SFMBT2: variants seen among roughly 807,000 people sequenced by gnomAD.
The protein encoded by SFMBT2 is Scm like with four mbt domains 2, also known as scm-like with four MBT domains protein 2.
In SFMBT2, 38 loss-of-function variants were observed where a neutral mutation model predicts 110.1. The ratio of observed to expected loss-of-function variants is 0.35; its 90% CI spans 0.27 to 0.45. The LOEUF (loss-of-function observed/expected upper bound fraction) is 0.45. Among genes scored for constraint, SFMBT2 ranks in the 20% least tolerant of loss-of-function variants. SFMBT2 has a pLI of 1.00. For missense variants in SFMBT2, 1,011 were observed against 1,094.9 expected (o/e 0.92, Z 1.08); for synonymous variants, 425 against 425.4 (o/e 1.00, Z 0.01).
intron 11 of SFMBT2, among the ~76,000 whole-genome samples, chr10:7,213,884 C>A (rs140160176): frequency 6.6e-6 from 1 of 152,196 alleles, no homozygotes; most frequent in Non-Finnish European, 1.5e-5. Flanking sequence ...CAGAGAAAGA[C>A]GAGGCCACGC....
chr10:7,385,962 T>C (rs1845592500), intron 1 of SFMBT2, among the ~76,000 whole-genome samples: 1 of 152,004 alleles, frequency 6.6e-6, no homozygotes, highest in Non-Finnish European at 1.5e-5. Context: ...ATCGTGCCAC[T>C]GCACTCCAGC....
At chr10:7,374,815 G>A (rs1845156352) in intron 2 of SFMBT2, among the ~76,000 whole-genome samples, 2 of 152,196 alleles carry the variant, frequency 1.3e-5, no homozygotes, top group African/African-American at 4.8e-5. Context: ...AAAATTTACG[G>A]TTATTCACAA....
intron 4 of SFMBT2, among the ~76,000 whole-genome samples, chr10:7,315,038 G>GAGAAAGAAAGAAAGAAAGAAAGAAAA (rs1842956964): frequency 8.5e-5 from 7 of 82,176 alleles, no homozygotes; most frequent in African/African-American, 1.5e-4. Context: ...AAGAAAGAAA[G>GAGAAAGAAAGAAAGAAAGAAAGAAAA]AGAAAGAAAG....
At chr10:7,339,347 C>G (rs1338049776) in intron 4 of SFMBT2, among the ~76,000 whole-genome samples, 1 of 152,208 alleles carries the variant, frequency 6.6e-6, no homozygotes, top group Admixed American at 6.5e-5. Context: ...TTACTCAAAT[C>G]AATTCCACAC....
chr10:7,363,473 C>A (rs375507704), intron 4 of SFMBT2, among the ~76,000 whole-genome samples: 14 of 152,004 alleles, frequency 9.2e-5, no homozygotes, highest in Non-Finnish European at 1.3e-4. Context: ...CTCAGCCTGC[C>A]GAGTAGCTGG....
intron 11 of SFMBT2, among the ~76,000 whole-genome samples, chr10:7,212,713 C>T (rs780599176): frequency 6.6e-5 from 10 of 152,160 alleles, no homozygotes; most frequent in Non-Finnish European, 1.3e-4. Flanking sequence ...AGATTTTACA[C>T]TCAGAAAGTG....
intron 17 of SFMBT2, among the ~76,000 whole-genome samples, chr10:7,175,362 G>A (rs980717334): frequency 2.0e-5 from 3 of 152,330 alleles, no homozygotes; most frequent in African/African-American, 7.2e-5. Context: ...AGACATCCTC[G>A]AATGGGACTG....
chr10:7,400,396 G>T (rs1169605698), intron 1 of SFMBT2, among the ~76,000 whole-genome samples: 2 of 152,198 alleles, frequency 1.3e-5, no homozygotes, highest in Non-Finnish European at 1.5e-5. Flanking sequence ...AAGCAGCAGG[G>T]TGGAGGGCTG....
intron 4 of SFMBT2, among the ~76,000 whole-genome samples, chr10:7,323,555 A>C (rs1588448659): frequency 6.6e-6 from 1 of 151,732 alleles, no homozygotes; most frequent in East Asian, 1.9e-4. Flanking sequence ...AAGGAGCCCC[A>C]ATATTACATG....
chr10:7,368,642 C>G (rs1294003363), intron 3 of SFMBT2, among the ~76,000 whole-genome samples: 2 of 152,128 alleles, frequency 1.3e-5, no homozygotes, highest in Admixed American at 6.5e-5. Context: ...TTGACTGAAT[C>G]AAAGAAAATA....
At chr10:7,308,264 C>T (rs1453751487) in intron 4 of SFMBT2, among the ~76,000 whole-genome samples, 1 of 151,992 alleles carries the variant, frequency 6.6e-6, no homozygotes, top group Non-Finnish European at 1.5e-5. Context: ...GAGGCTGATG[C>T]CATAGGATCA....
intron 16 of SFMBT2, chr10:7,176,491 A>G: frequency 7.1e-6 from 7 of 985,362 alleles, no homozygotes; most frequent in Non-Finnish European, 8.4e-6. Context: ...GGCTCTCGAA[A>G]TGAGGTTAGT....
At chr10:7,274,895 T>C (rs1295320311) in intron 7 of SFMBT2, among the ~76,000 whole-genome samples, 2 of 151,760 alleles carry the variant, frequency 1.3e-5, no homozygotes, top group African/African-American at 4.8e-5. Context: ...ACCTACTGAA[T>C]CCTCATCCAC....
intron 2 of SFMBT2, among the ~76,000 whole-genome samples, chr10:7,378,634 GTGGA>G (rs1845337260): frequency 6.7e-6 from 1 of 148,324 alleles, no homozygotes; most frequent in South Asian, 2.2e-4. Flanking sequence ...GGATGGATGG[GTGGA>G]TGGATGGGTG....
At chr10:7,287,548 G>A (rs961199280) in intron 4 of SFMBT2, among the ~76,000 whole-genome samples, 1 of 152,196 alleles carries the variant, frequency 6.6e-6, no homozygotes, top group East Asian at 1.9e-4. Context: ...AGCCTTCCCA[G>A]GGCACCAAGA....
intron 10 of SFMBT2, among the ~76,000 whole-genome samples, chr10:7,221,573 GAA>G (rs59097520): frequency 7.0e-6 from 1 of 142,440 alleles, no homozygotes; most frequent in African/African-American, 2.6e-5. Context: ...CTCAAATGAG[GAA>G]AAAAAAAAAA....
At position 7,227,904 on chromosome 10, in the gene SFMBT2, T is replaced by C; in HGVS notation, c.1154A>G (p.Tyr385Cys). Reference sequence around the variant, plus strand: ...TTCCTGCGCCCCATGCTGCTTGTGATAATCTGCCCAGTCGAAGTCCTGGCC... The same window carrying C: ...TTCCTGCGCCCCATGCTGCTTGTGACAATCTGCCCAGTCGAAGTCCTGGCC... Reference protein sequence around the residue: ...YSGQDFDWADYHKQHGAQEAP... With the variant: ...YSGQDFDWADCHKQHGAQEAP... The change falls in exon 10 of 21, where the codon TAT becomes TGT. Residue 385 changes from tyrosine (Y) to cysteine (C), a missense_variant. By Grantham distance (194) the Tyr-to-Cys change is radical. Coordinates refer to ENST00000397167, the MANE Select transcript of SFMBT2 (RefSeq NM_001387889.1). The C allele has an allele frequency of 1.2e-6, 2 of 1,606,594 alleles. No homozygotes were observed. The highest frequency in any genetic ancestry group is 1.7e-6 in the Non-Finnish European group (2 of 1,177,438).
chr10:7,360,944 C>T (rs913624566), intron 4 of SFMBT2, among the ~76,000 whole-genome samples: 1 of 152,212 alleles, frequency 6.6e-6, no homozygotes, highest in African/African-American at 2.4e-5. Context: ...AATACTAACT[C>T]ACTTTTTAAA....
At chr10:7,316,693 GTGCCTGTAAATGAAGAGGTTCCCC>G (rs1346838930) in intron 4 of SFMBT2, among the ~76,000 whole-genome samples, 2 of 152,132 alleles carry the variant, frequency 1.3e-5, no homozygotes, top group Non-Finnish European at 2.9e-5. Context: ...CACTAGCATC[GTGCCTGTAAATGAAGAGGTTCCCC>G]TTTCTGGCCT....
Sources: allele counts gnomAD v4.1 joint callset (sites outside exome capture counted in the v4.1 genomes callset), GRCh38; gene constraint gnomAD v4.1.1; transcripts MANE v1.5; gene names NCBI Gene and HGNC (gene_info 2026-07-23, HGNC 2026-07-21).